Variants in SLC25A26 observed in about 807,000 individuals in gnomAD.
The protein encoded by SLC25A26 is mitochondrial S-adenosylmethionine carrier protein.
SLC25A26 carries 36 observed loss-of-function variants against 37.8 expected under a neutral mutation model. The observed-to-expected ratio is 0.95, with a 90% CI of 0.73 to 1.26. The LOEUF (loss-of-function observed/expected upper bound fraction) is 1.26, where lower values mean the gene tolerates loss of function less well. Ranked by LOEUF, SLC25A26 falls within the 50% of genes most tolerant of loss-of-function variation. The pLI, the probability that SLC25A26 is intolerant of heterozygous loss-of-function variation, is 0.00. For missense variants in SLC25A26, 390 were observed against 331.1 expected, an observed-to-expected ratio of 1.18 and a Z score of -1.38; for synonymous variants, 129 against 122.5, an observed-to-expected ratio of 1.05 and a Z score of -0.35.
intron 1 of SLC25A26, among the ~76,000 whole-genome samples, chr3:66,194,051 A>C (rs886517652): frequency 2.6e-5 from 4 of 152,146 alleles, no homozygotes; most frequent in Admixed American, 2.6e-4. Flanking sequence ...TTAGACCAAC[A>C]CTGGTGGCTT....
At chr3:66,327,096 G>A (rs1559703353) in intron 5 of SLC25A26, among the ~76,000 whole-genome samples, 1 of 152,146 alleles carries the variant, frequency 6.6e-6, no homozygotes, top group Non-Finnish European at 1.5e-5. Context: ...GCTCTTTTAG[G>A]TGGGAACTTC....
At chr3:66,170,079 C>T (rs1458054415) in intron 1 of SLC25A26, among the ~76,000 whole-genome samples, 1 of 152,136 alleles carries the variant, frequency 6.6e-6, no homozygotes, top group East Asian at 1.9e-4. Flanking sequence ...GCTCGGGCAC[C>T]CTGCATTCAG....
intron 1 of SLC25A26, among the ~76,000 whole-genome samples, chr3:66,165,641 T>C (rs563076754): frequency 2.5e-4 from 38 of 152,082 alleles, no homozygotes; most frequent in African/African-American, 8.9e-4. Context: ...CATAAGCAAA[T>C]CCTGGGAATG....
intron 5 of SLC25A26, among the ~76,000 whole-genome samples, chr3:66,307,337 C>T (rs1038133002): frequency 6.6e-6 from 1 of 152,180 alleles, no homozygotes; most frequent in African/African-American, 2.4e-5. Flanking sequence ...CCTTTGCCCA[C>T]TTTCTGATGG....
chr3:66,138,878 T>G (rs985862841), intron 1 of SLC25A26, among the ~76,000 whole-genome samples: 1 of 152,174 alleles, frequency 6.6e-6, no homozygotes, highest in African/African-American at 2.4e-5. Flanking sequence ...GTAATGGTCC[T>G]GAGTCCACTG....
At chr3:66,354,026 A>C (rs1044087056) in intron 6 of SLC25A26, among the ~76,000 whole-genome samples, 1 of 152,230 alleles carries the variant, frequency 6.6e-6, no homozygotes, top group African/African-American at 2.4e-5. Context: ...TTATTTGTAC[A>C]TTCTTTTAAA....
At chr3:66,343,747 C>T (rs1015880165) in intron 5 of SLC25A26, among the ~76,000 whole-genome samples, 2 of 152,126 alleles carry the variant, frequency 1.3e-5, no homozygotes, top group Non-Finnish European at 2.9e-5. Flanking sequence ...TACCTTCTTA[C>T]TAATCCATAA....
intron 8 of SLC25A26, among the ~76,000 whole-genome samples, chr3:66,369,920 A>G (rs1388506324): frequency 3.3e-5 from 5 of 152,232 alleles, no homozygotes; most frequent in Admixed American, 2.0e-4. Flanking sequence ...GGGTTAAGAC[A>G]GTTGTCAGAA....
intron 5 of SLC25A26, among the ~76,000 whole-genome samples, chr3:66,306,492 C>G (rs2075225949): frequency 6.6e-6 from 1 of 151,486 alleles, no homozygotes; most frequent in East Asian, 1.9e-4. Context: ...TCTCTTTTTT[C>G]TTTTCTTTTT....
intron 5 of SLC25A26, among the ~76,000 whole-genome samples, chr3:66,311,652 A>G (rs1433986358): frequency 2.0e-5 from 3 of 151,592 alleles, no homozygotes; most frequent in African/African-American, 7.3e-5. Context: ...TTTGACGCGG[A>G]TGACTTTTGG....
intron 5 of SLC25A26, among the ~76,000 whole-genome samples, chr3:66,290,124 T>C (rs1429977384): frequency 6.6e-6 from 1 of 152,182 alleles, no homozygotes; most frequent in Non-Finnish European, 1.5e-5. Context: ...TTATCTATTA[T>C]TGGTGTATGG....
chr3:66,173,100 C>A (rs934116171), intron 1 of SLC25A26, among the ~76,000 whole-genome samples: 1 of 152,198 alleles, frequency 6.6e-6, no homozygotes, highest in African/African-American at 2.4e-5. Flanking sequence ...TGTTCAGGCG[C>A]TTTCCAAATT....
chr3:66,204,442 A>AAAAAAG (rs2071150949), intron 1 of SLC25A26, among the ~76,000 whole-genome samples: 1 of 130,402 alleles, frequency 7.7e-6, no homozygotes, highest in African/African-American at 2.5e-5. Context: ...AAAAAAAAGA[A>AAAAAAG]AAAAAGAAAA....
chr3:66,321,516 A>G (rs1484932824), intron 5 of SLC25A26, among the ~76,000 whole-genome samples: 1 of 152,132 alleles, frequency 6.6e-6, no homozygotes, highest in African/African-American at 2.4e-5. Flanking sequence ...TTACTTCTTT[A>G]TAAACCATCA....
intron 5 of SLC25A26, among the ~76,000 whole-genome samples, chr3:66,297,524 G>C (rs539163104): frequency 2.0e-5 from 3 of 152,136 alleles, no homozygotes; most frequent in Non-Finnish European, 4.4e-5. Context: ...GGACACTGAA[G>C]GTCTAGTTGC....
At chr3:66,194,299 A>T (rs2071001884) in intron 1 of SLC25A26, among the ~76,000 whole-genome samples, 2 of 152,286 alleles carry the variant, frequency 1.3e-5, no homozygotes, top group African/African-American at 4.8e-5. Context: ...AAGCTATTCC[A>T]TGCTGGGTTG....
chr3:66,321,409 A>C (rs909462171), intron 5 of SLC25A26, among the ~76,000 whole-genome samples: 5 of 152,316 alleles, frequency 3.3e-5, no homozygotes, highest in African/African-American at 1.2e-4. Context: ...CACCTCCTGC[A>C]CTGGGCTCTC....
At chr3:66,306,503 T>C (rs570474025) in intron 5 of SLC25A26, among the ~76,000 whole-genome samples, 44 of 152,336 alleles carry the variant, frequency 2.9e-4, no homozygotes, top group African/African-American at 8.7e-4. Context: ...TTTTCTTTTT[T>C]AATACTTTAA....
chr3:66,160,157 C>A (rs1280087669), intron 1 of SLC25A26, among the ~76,000 whole-genome samples: 1 of 152,098 alleles, frequency 6.6e-6, no homozygotes, highest in African/African-American at 2.4e-5. Context: ...CATGCGCCAC[C>A]ACACCTGGTT....
Sources: gnomAD v4.1 joint callset for allele counts (sites outside exome capture counted in the v4.1 genomes callset) on GRCh38, gnomAD v4.1.1 for gene constraint, MANE v1.5 for transcripts, NCBI Gene and HGNC (gene_info 2026-07-23, HGNC 2026-07-21) for gene names.